The following ESRRG variants were observed in gnomAD, a reference collection of about 807,000 sequenced individuals.
ESRRG encodes the protein estrogen related receptor gamma, also known as estrogen-related receptor gamma.
A neutral mutation model predicts 44.0 loss-of-function variants in ESRRG; 13 were observed. The ratio of observed to expected loss-of-function variants is 0.30; its 90% confidence interval spans 0.19 to 0.47. The LOEUF is 0.47. Ranked by LOEUF, ESRRG falls within the 20% of genes least tolerant of loss-of-function variation. The pLI, the probability that ESRRG is intolerant of heterozygous loss-of-function variation, is 1.00. For synonymous variants in ESRRG, 215 were observed against 214.6 expected (o/e 1.00, Z -0.02); for missense variants, 395 against 580.6 (o/e 0.68, Z 3.29).
chr1:216,754,485 C>CT (rs1000637174), intron 2 of ESRRG, among the ~76,000 whole-genome samples: 5 of 151,934 alleles, frequency 3.3e-5, no homozygotes, highest in Admixed American at 3.3e-4. Flanking sequence ...AGCATCTTTC[C>CT]TTCTGTACCC....
At chr1:216,971,018 G>A (rs74141713) in intron 1 of ESRRG, among the ~76,000 whole-genome samples, 6,368 of 152,230 alleles carry the variant, frequency 0.042, 308 homozygotes, top group African/African-American at 0.1. Context: ...CAGGGTGGGG[G>A]CAGAACCAAG....
intron 3 of ESRRG, among the ~76,000 whole-genome samples, chr1:216,625,650 A>G (rs1416850378): frequency 6.6e-6 from 1 of 152,134 alleles, no homozygotes; most frequent in African/African-American, 2.4e-5. Context: ...CCAGCACTTA[A>G]AAGTTATATG....
intron 4 of ESRRG, among the ~76,000 whole-genome samples, chr1:216,567,631 A>G (rs1299515274): frequency 6.6e-6 from 1 of 152,196 alleles, no homozygotes; most frequent in Non-Finnish European, 1.5e-5. Context: ...AAGAGCTCCA[A>G]TGAACTAATG....
At chr1:216,829,485 C>A (rs1406264915) in intron 2 of ESRRG, among the ~76,000 whole-genome samples, 1 of 151,732 alleles carries the variant, frequency 6.6e-6, no homozygotes, top group Non-Finnish European at 1.5e-5. Flanking sequence ...GTTTAAGAAA[C>A]CTGTAGATAG....
chr1:217,083,928 G>C (rs905730021), intron 1 of ESRRG, among the ~76,000 whole-genome samples: 16 of 152,012 alleles, frequency 1.1e-4, no homozygotes, highest in African/African-American at 3.9e-4. Flanking sequence ...AAACATACAG[G>C]GCATGAAATG....
At chr1:216,953,806 G>A (rs770451108) in intron 1 of ESRRG, among the ~76,000 whole-genome samples, 1 of 151,930 alleles carries the variant, frequency 6.6e-6, no homozygotes, top group Non-Finnish European at 1.5e-5. Flanking sequence ...TATAGCTCAA[G>A]TATTCTTTTG....
At chr1:216,931,887 A>G (rs925217067) in intron 2 of ESRRG, among the ~76,000 whole-genome samples, 41 of 151,802 alleles carry the variant, frequency 2.7e-4, no homozygotes, top group Admixed American at 2.5e-3. Context: ...TTCTATCATG[A>G]AAGATAATTC....
intron 2 of ESRRG, among the ~76,000 whole-genome samples, chr1:216,908,633 C>T (rs191795644): frequency 6.6e-6 from 1 of 152,110 alleles, no homozygotes; most frequent in East Asian, 1.9e-4. Flanking sequence ...TTGTGAGAGT[C>T]CCCTCAAATC....
intron 1 of ESRRG, among the ~76,000 whole-genome samples, chr1:217,136,101 C>T (rs996573015): frequency 1.7e-4 from 26 of 152,192 alleles, no homozygotes; most frequent in African/African-American, 6.3e-4. Context: ...ACCTTTGCTA[C>T]CCTTCTCCCC....
chr1:216,611,268 G>T (rs556385463), intron 3 of ESRRG, among the ~76,000 whole-genome samples: 6 of 149,304 alleles, frequency 4.0e-5, no homozygotes, highest in African/African-American at 1.5e-4. Flanking sequence ...CACACGGCAG[G>T]TATTTGATAT....
chr1:217,051,216 G>GT (rs1553259387), intron 1 of ESRRG, among the ~76,000 whole-genome samples: 1 of 116,624 alleles, frequency 8.6e-6, no homozygotes, highest in Non-Finnish European at 1.8e-5. Context: ...GGGGGGGGGG[G>GT]TGCCAGGGGA....
chr1:216,808,097 TA>T (rs1450381011), intron 2 of ESRRG, among the ~76,000 whole-genome samples: 4 of 152,194 alleles, frequency 2.6e-5, no homozygotes, highest in African/African-American at 9.6e-5. Context: ...ATTCTTTCTA[TA>T]CTGGCCCTGA....
chr1:217,016,137 T>C (rs867009411), intron 1 of ESRRG, among the ~76,000 whole-genome samples: 4 of 152,038 alleles, frequency 2.6e-5, no homozygotes, highest in Middle Eastern at 3.2e-3. Context: ...AAGCGAGTGA[T>C]AGTGTGAGAA....
intron 2 of ESRRG, among the ~76,000 whole-genome samples, chr1:216,828,224 A>C (rs2095429777): frequency 6.6e-6 from 1 of 152,190 alleles, no homozygotes; most frequent in Non-Finnish European, 1.5e-5. Context: ...TGTGACACTT[A>C]ACAGTAATTT....
Position 216,503,420 on chromosome 1 carries a change from C to T in ESRRG, c.*3519G>A, listed in dbSNP as rs2040657689. 6.6e-6 allele frequency: 1 copy of T among 152,450 alleles called. No homozygotes were observed. Among genetic ancestry groups the T allele is most frequent in the South Asian group, 2.1e-4 (1 of 4,832 alleles). 9.4% of individuals were successfully genotyped at this position (152,450 alleles called of 1,614,324 possible). ...TTACACAAATGGACATTTGCTGGAG[C>T]ACACAGTATGGTACACATCACAAAA... On this transcript the variant is annotated 3_prime_UTR_variant, in exon 7 of 7. Transcript: ENST00000408911.
At chr1:216,963,361 G>T (rs1271895755) in intron 1 of ESRRG, among the ~76,000 whole-genome samples, 4 of 152,096 alleles carry the variant, frequency 2.6e-5, no homozygotes, top group African/African-American at 7.2e-5. Context: ...TTGCTTAGAG[G>T]TAAAATCATA....
chr1:216,690,016 T>A (rs1458426834), intron 1 of ESRRG, among the ~76,000 whole-genome samples: 1 of 152,022 alleles, frequency 6.6e-6, no homozygotes, highest in Non-Finnish European at 1.5e-5. Flanking sequence ...CATATGTTGC[T>A]GGGAGGGTAT....
At chr1:216,770,241 GA>G (rs919137609) in intron 2 of ESRRG, among the ~76,000 whole-genome samples, 49 of 151,870 alleles carry the variant, frequency 3.2e-4, no homozygotes, top group African/African-American at 8.4e-4. Context: ...CTATAGAGGG[GA>G]AAAAAATAGG....
At chr1:216,770,218 G>A (rs2093323574) in intron 2 of ESRRG, among the ~76,000 whole-genome samples, 1 of 152,012 alleles carries the variant, frequency 6.6e-6, no homozygotes, top group Admixed American at 6.6e-5. Flanking sequence ...CATCACTTAG[G>A]AAATCTGGTG....
Sources: allele counts gnomAD v4.1 joint callset (sites outside exome capture counted in the v4.1 genomes callset), GRCh38; gene constraint gnomAD v4.1.1; transcripts MANE v1.5; gene names NCBI Gene and HGNC (gene_info 2026-07-23, HGNC 2026-07-21).